Variants in METTL25 observed in about 807,000 individuals in gnomAD.
METTL25 encodes methyltransferase like 25.
Under a neutral mutation model 71.6 loss-of-function variants are expected in METTL25, and 64 were observed. The ratio of observed to expected loss-of-function variants is 0.89; its 90% CI spans 0.73 to 1.10. METTL25 has a LOEUF of 1.10. Ranked by LOEUF, METTL25 falls within the 50% of genes least tolerant of loss-of-function variation. The probability of loss-of-function intolerance (pLI) is 0.00; values close to 1 mark genes in which losing one functional copy is unlikely to be tolerated. For missense variants in METTL25, 807 were observed against 707.0 expected (o/e 1.14, Z -1.60); for synonymous variants, 287 against 250.3 (o/e 1.15, Z -1.38).
rs1297482436 is a variant in METTL25, at chr12:82,477,296, G to T, written c.1663G>T (p.Ala555Ser). The T allele has an allele frequency of 1.9e-6, 3 of 1,550,908 alleles. No homozygotes were observed. In the African/African-American group the frequency reaches 4.2e-5, roughly 21 times the overall value. Residue 555 changes from alanine to serine, a missense_variant, in exon 11 of 12, where the codon GCT becomes TCT. Ala to Ser is a moderately conservative substitution (Grantham distance 99, BLOSUM62 1). Transcript: ENST00000248306. Reference sequence around the variant, plus strand: ...TTTATTTTAGTTGAAAGTTGTACTGGCTCCCTGTATAGAGACTTTGATTCT... The same window carrying T: ...TTTATTTTAGTTGAAAGTTGTACTGTCTCCCTGTATAGAGACTTTGATTCT... ...EAFNMLKVVL[A>S]PCIETLILLD...
intron 1 of METTL25, among the ~76,000 whole-genome samples, chr12:82,361,406 C>G (rs1005624538): frequency 6.6e-6 from 1 of 152,218 alleles, no homozygotes; most frequent in Non-Finnish European, 1.5e-5. Flanking sequence ...AGTCCCATGC[C>G]GTGCGCCCGC....
At chr12:82,441,780 C>CT (rs1323993934) in intron 8 of METTL25, among the ~76,000 whole-genome samples, 1 of 108,874 alleles carries the variant, frequency 9.2e-6, no homozygotes, top group Non-Finnish European at 1.9e-5. Context: ...TACTGCCATA[C>CT]TATAGCAAAA....
chr12:82,415,896 G>A (rs559012763), intron 5 of METTL25, among the ~76,000 whole-genome samples: 9 of 152,086 alleles, frequency 5.9e-5, no homozygotes, highest in Non-Finnish European at 1.0e-4. Context: ...GAAATTAACC[G>A]TCACACTTGG....
intron 6 of METTL25, among the ~76,000 whole-genome samples, chr12:82,433,109 C>A (rs934442006): frequency 1.3e-5 from 2 of 151,486 alleles, no homozygotes; most frequent in African/African-American, 4.8e-5. Flanking sequence ...ACTTTGTAAC[C>A]ACCTACCTGA....
At chr12:82,372,099 G>A (rs571884801) in intron 1 of METTL25, among the ~76,000 whole-genome samples, 2 of 152,214 alleles carry the variant, frequency 1.3e-5, no homozygotes, top group East Asian at 3.9e-4. Context: ...TAAAGGTCAG[G>A]GTTTGATCTA....
At chr12:82,370,005 A>C (rs1883040947) in intron 1 of METTL25, among the ~76,000 whole-genome samples, 2 of 152,140 alleles carry the variant, frequency 1.3e-5, no homozygotes, top group Admixed American at 1.3e-4. Context: ...AAGTTCTTCA[A>C]GTCCCCACCC....
intron 8 of METTL25, among the ~76,000 whole-genome samples, chr12:82,444,536 C>T (rs577068278): frequency 2.0e-5 from 3 of 152,114 alleles, no homozygotes; most frequent in East Asian, 1.9e-4. Context: ...TGATACGCCA[C>T]GCAATTCATA....
chr12:82,454,256 A>G (rs2137246615), intron 8 of METTL25, among the ~76,000 whole-genome samples: 1 of 152,180 alleles, frequency 6.6e-6, no homozygotes, highest in African/African-American at 2.4e-5. Context: ...GGGCCAGAAA[A>G]GGCTTAACTA....
intron 5 of METTL25, among the ~76,000 whole-genome samples, chr12:82,429,370 T>C (rs1370006608): frequency 4.8e-5 from 2 of 42,018 alleles, no homozygotes; most frequent in Non-Finnish European, 9.3e-5. Context: ...TTGCTGCAAA[T>C]GTAGGGTTTT....
intron 4 of METTL25, 62 bp downstream of exon 4, chr12:82,399,456 T>A (rs904737662): frequency 1.6e-6 from 2 of 1,256,488 alleles, no homozygotes; most frequent in Non-Finnish European, 2.2e-6. Flanking sequence ...ATTTTAATAG[T>A]AGCTTACTTA....
intron 9 of METTL25, among the ~76,000 whole-genome samples, chr12:82,465,888 A>G (rs914131679): frequency 2.0e-5 from 3 of 151,298 alleles, no homozygotes; most frequent in East Asian, 1.9e-4. Context: ...TTTTTGGTGT[A>G]TAGCTGTTCA....
chr12:82,415,072 G>A (rs1049655743), intron 5 of METTL25, among the ~76,000 whole-genome samples: 4 of 152,114 alleles, frequency 2.6e-5, no homozygotes, highest in African/African-American at 9.6e-5. Context: ...CCACTGGGAA[G>A]CTCCTATCAC....
In METTL25 at chr12:82,424,076, C is replaced by T. The variant is rs530872600; in HGVS notation, c.1280-6817C>T. Among the ~76,000 whole-genome samples the T allele has an allele frequency of 2.0e-4, 30 of 152,286 alleles. No homozygotes were observed. In the South Asian group the frequency reaches 6.0e-3, roughly 31 times the overall value. On this transcript the variant is annotated intron_variant, in intron 5 of 11. Coordinates refer to ENST00000248306, the MANE Select transcript of METTL25 (RefSeq NM_032230.3). ...ATTATAAATCATGCTGCTATAAAGA[C>T]ACATGCACACATATGTTTATTGCAG... is the stretch of plus-strand genomic sequence containing the variant.
chr12:82,398,637 G>A (rs1321932862), intron 3 of METTL25, among the ~76,000 whole-genome samples, 158 bp from the exon 4 acceptor site: 1 of 151,048 alleles, frequency 6.6e-6, no homozygotes, highest in Admixed American at 6.6e-5. Flanking sequence ...GTAAAATGTT[G>A]AATAAAAATG....
intron 6 of METTL25, among the ~76,000 whole-genome samples, chr12:82,431,338 A>G (rs534308073): frequency 2.6e-5 from 4 of 151,732 alleles, no homozygotes; most frequent in African/African-American, 9.6e-5. Context: ...TGAAGTAACT[A>G]TCTAATTAAA....
intron 5 of METTL25, among the ~76,000 whole-genome samples, chr12:82,410,396 G>A (rs1252718156): frequency 6.6e-6 from 1 of 152,064 alleles, no homozygotes. Flanking sequence ...CATACAATAT[G>A]TATTTTCTTA....
intron 9 of METTL25, among the ~76,000 whole-genome samples, chr12:82,465,657 C>T (rs1237128394): frequency 1.3e-5 from 2 of 151,876 alleles, no homozygotes; most frequent in Non-Finnish European, 2.9e-5. Context: ...TAATTTTTTG[C>T]AATAGTTTCA....
intron 8 of METTL25, among the ~76,000 whole-genome samples, chr12:82,454,678 A>G (rs1176340243): frequency 3.3e-5 from 5 of 151,932 alleles, no homozygotes; most frequent in African/African-American, 1.2e-4. Context: ...TAAAATTGAA[A>G]ATGTGTCTCT....
Position 82,358,716 on chromosome 12 carries a change from G to C in METTL25, c.151G>C (p.Val51Leu). The change falls in exon 1 of 12, where the codon GTC becomes CTC. Residue 51 changes from valine (V) to leucine (L), a missense_variant. By Grantham distance (32) the Val-to-Leu change is conservative. Transcript: ENST00000248306. ...CACAGAATCCGTGTGGGAGGAGCTGGTCGACTTGCCACCGGAGACAGTGCT... is the reference window on the plus strand; with the variant it reads ...CACAGAATCCGTGTGGGAGGAGCTGCTCGACTTGCCACCGGAGACAGTGCT... The part of the protein sequence containing the change: ...FYTESVWEEL[V>L]DLPPETVLAA... 1.2e-6 allele frequency: 2 copies of C among 1,614,190 alleles called. No homozygotes were observed. The highest frequency in any genetic ancestry group is 2.2e-5 in the East Asian group (1 of 44,884).
Sources: allele counts gnomAD v4.1 joint callset (sites outside exome capture counted in the v4.1 genomes callset), GRCh38; gene constraint gnomAD v4.1.1; transcripts MANE v1.5; gene names NCBI Gene and HGNC (gene_info 2026-07-23, HGNC 2026-07-21).